Variants in RSPO3 observed in about 807,000 individuals in gnomAD.
RSPO3 encodes the protein R-spondin-3.
In RSPO3, 17 loss-of-function variants were observed where a neutral mutation model predicts 36.5. That is an observed-to-expected ratio of 0.47 (90% confidence interval 0.32 to 0.70). The LOEUF is 0.70. Ranked by LOEUF, RSPO3 falls within the 30% of genes least tolerant of loss-of-function variation. The probability of loss-of-function intolerance (pLI) is 0.04; values close to 1 mark genes in which losing one functional copy is unlikely to be tolerated. For missense variants in RSPO3, 294 were observed against 322.5 expected (o/e 0.91, Z 0.68); for synonymous variants, 108 against 107.0 (o/e 1.01, Z -0.06).
chr6:127,124,402 ACAT>A (rs1373278607), intron 1 of RSPO3, among the ~76,000 whole-genome samples: 2 of 152,104 alleles, frequency 1.3e-5, no homozygotes, highest in Non-Finnish European at 2.9e-5. Flanking sequence ...CATTAGGAAA[ACAT>A]CATTCAGTTT....
At chr6:127,140,619 CAAATT>C (rs1774249774) in intron 1 of RSPO3, among the ~76,000 whole-genome samples, 1 of 152,206 alleles carries the variant, frequency 6.6e-6, no homozygotes, top group Non-Finnish European at 1.5e-5. Context: ...AAAATTAACA[CAAATT>C]AAAGTAACTA....
chr6:127,165,072 T>C (rs909005655), intron 4 of RSPO3, among the ~76,000 whole-genome samples: 1 of 152,088 alleles, frequency 6.6e-6, no homozygotes, highest in Admixed American at 6.6e-5. Flanking sequence ...TTCACTTTTT[T>C]GAGTAATAGC....
chr6:127,142,499 C>G (rs566135086), intron 1 of RSPO3, among the ~76,000 whole-genome samples: 1 of 152,252 alleles, frequency 6.6e-6, no homozygotes, highest in East Asian at 1.9e-4. Context: ...AATGTGACTT[C>G]GTACTAATCA....
intron 4 of RSPO3, among the ~76,000 whole-genome samples, chr6:127,170,221 A>C (rs1774908460): frequency 6.6e-6 from 1 of 151,768 alleles, no homozygotes; most frequent in South Asian, 2.1e-4. Flanking sequence ...AGAAAATTGG[A>C]GTAGAAAAAA....
chr6:127,124,332 T>TC (rs966137011), intron 1 of RSPO3, among the ~76,000 whole-genome samples: 8 of 152,084 alleles, frequency 5.3e-5, no homozygotes, highest in Non-Finnish European at 1.2e-4. Context: ...TAGTGAATTC[T>TC]TGAAATGCCA....
chr6:127,133,913 A>G (rs1482890561), intron 1 of RSPO3, among the ~76,000 whole-genome samples: 1 of 150,294 alleles, frequency 6.7e-6, no homozygotes, highest in East Asian at 1.9e-4. Context: ...GTGGTTAAGG[A>G]AAGAAAATAT....
chr6:127,119,493 C>G (rs1441144273), intron 1 of RSPO3, among the ~76,000 whole-genome samples: 1 of 152,214 alleles, frequency 6.6e-6, no homozygotes, highest in Non-Finnish European at 1.5e-5. Context: ...GCATCCTAGC[C>G]GGTGCGAGGG....
At chr6:127,178,264 A>G (rs1775095462) in intron 4 of RSPO3, among the ~76,000 whole-genome samples, 1 of 151,814 alleles carries the variant, frequency 6.6e-6, no homozygotes, top group Non-Finnish European at 1.5e-5. Context: ...TAAGTTCTAC[A>G]CATAAGCTTC....
intron 4 of RSPO3, among the ~76,000 whole-genome samples, chr6:127,193,107 G>A (rs1775445770): frequency 6.6e-6 from 1 of 152,170 alleles, no homozygotes; most frequent in African/African-American, 2.4e-5. Flanking sequence ...ATAGCCCTCT[G>A]TTGAGCAGCA....
At chr6:127,121,098 C>T (rs1773835524) in intron 1 of RSPO3, among the ~76,000 whole-genome samples, 1 of 152,202 alleles carries the variant, frequency 6.6e-6, no homozygotes, top group African/African-American at 2.4e-5. Context: ...ACGCTCTCTC[C>T]TTTACCCCCA....
intron 4 of RSPO3, among the ~76,000 whole-genome samples, chr6:127,184,042 C>T (rs1303725629): frequency 1.3e-5 from 2 of 151,924 alleles, no homozygotes; most frequent in Non-Finnish European, 2.9e-5. Context: ...TGAGAACTCA[C>T]TCACTATTAC....
At chr6:127,135,416 TA>T (rs35739572) in intron 1 of RSPO3, among the ~76,000 whole-genome samples, 9,448 of 95,296 alleles carry the variant, frequency 0.099, 340 homozygotes, top group Non-Finnish European at 0.13. Flanking sequence ...TGAGAATCCA[TA>T]AAAAAAAAAA....
intron 1 of RSPO3, among the ~76,000 whole-genome samples, chr6:127,141,924 C>G (rs1217325612): frequency 6.6e-6 from 1 of 152,014 alleles, no homozygotes; most frequent in Non-Finnish European, 1.5e-5. Context: ...CATACAAACA[C>G]ATATGTGCAC....
At chr6:127,150,158 T>A (rs1486005614) in intron 2 of RSPO3, among the ~76,000 whole-genome samples, 1 of 128,260 alleles carries the variant, frequency 7.8e-6, no homozygotes, top group African/African-American at 3.1e-5. Flanking sequence ...CTTATAAATA[T>A]TCTTGGAGAT....
intron 1 of RSPO3, among the ~76,000 whole-genome samples, chr6:127,141,732 T>G (rs2114568146): frequency 6.6e-6 from 1 of 152,296 alleles, no homozygotes; most frequent in South Asian, 2.1e-4. Context: ...GGATAAAAGA[T>G]ACAGTAGACT....
intron 1 of RSPO3, among the ~76,000 whole-genome samples, chr6:127,142,626 C>T (rs1011666268): frequency 1.3e-5 from 2 of 152,140 alleles, no homozygotes; most frequent in African/African-American, 4.8e-5. Context: ...ATTATTACTT[C>T]ACTTTGAATG....
chr6:127,165,628 C>T (rs540123108), intron 4 of RSPO3, among the ~76,000 whole-genome samples: 1 of 152,078 alleles, frequency 6.6e-6, no homozygotes, highest in East Asian at 1.9e-4. Context: ...CTTCCTCCTA[C>T]CTTGTCACCC....
At chr6:127,156,735 C>T (rs1774603968) in intron 4 of RSPO3, among the ~76,000 whole-genome samples, 2 of 152,062 alleles carry the variant, frequency 1.3e-5, no homozygotes, top group Admixed American at 6.6e-5. Flanking sequence ...CACCAGAGTC[C>T]AGTGAAAGGT....
intron 1 of RSPO3, among the ~76,000 whole-genome samples, chr6:127,125,309 A>G (rs935194965): frequency 2.6e-5 from 4 of 152,204 alleles, no homozygotes; most frequent in African/African-American, 2.4e-5. Flanking sequence ...TGCAAGTATC[A>G]TAAGTTTGTG....
Sources: allele counts gnomAD v4.1 joint callset (sites outside exome capture counted in the v4.1 genomes callset), GRCh38; gene constraint gnomAD v4.1.1; transcripts MANE v1.5; gene names NCBI Gene and HGNC (gene_info 2026-07-23, HGNC 2026-07-21).